DIAPH1: variants seen among roughly 807,000 people sequenced by gnomAD.
The protein encoded by DIAPH1 is protein diaphanous homolog 1.
Under a neutral mutation model 140.7 loss-of-function variants are expected in DIAPH1, and 46 were observed. That is an observed-to-expected ratio of 0.33 (90% CI 0.26 to 0.42). The LOEUF (loss-of-function observed/expected upper bound fraction) is 0.42. DIAPH1 is among the 10% of genes least tolerant of loss of function. The pLI is 1.00. For synonymous variants in DIAPH1, 565 were observed against 551.6 expected (o/e 1.02, Z -0.34); for missense variants, 1,310 against 1,558.7 (o/e 0.84, Z 2.69).
At chr5:141,571,282 GAAACAA>G (rs1044241209) in intron 18 of DIAPH1, 140 bp downstream of exon 18, 20 of 675,396 alleles carry the variant, frequency 3.0e-5, no homozygotes, top group Middle Eastern at 3.7e-4. Flanking sequence ...TCCAGGGGAG[GAAACAA>G]AAACAAAAAA....
At position 141,576,672 on chromosome 5, in the gene DIAPH1, T is replaced by G. The variant is rs2099896008; in HGVS notation, c.1396+84A>C. On this transcript the variant is annotated intron_variant, in intron 13 of 27. Coordinates refer to ENST00000389054, the MANE Select transcript of DIAPH1 (RefSeq NM_005219.5). ...ACTATCTGGGGACTGGAAAGGTATC[T>G]TCTCTGACATTTTCACTGAAACAAG... The G allele has an allele frequency of 3.0e-6, 3 of 985,350 alleles. No homozygotes were observed. The Admixed American group carries it at 5.3e-5, about 17-fold the overall frequency. 61.0% of individuals were successfully genotyped at this position (985,350 alleles called of 1,614,324 possible). A position where few individuals can be genotyped will look rare whatever the true frequency, so the allele number is the denominator to read the frequency against.
At chr5:141,598,644 T>C (rs1253028889) in intron 1 of DIAPH1, among the ~76,000 whole-genome samples, 1 of 152,140 alleles carries the variant, frequency 6.6e-6, no homozygotes, top group Non-Finnish European at 1.5e-5. Context: ...ATCTTTTGGT[T>C]ACCATCTACA....
chr5:141,517,730 A>C (rs1476851916), intron 27 of DIAPH1, among the ~76,000 whole-genome samples: 1 of 152,180 alleles, frequency 6.6e-6, no homozygotes, highest in Admixed American at 6.5e-5. Context: ...TGGGATAAAG[A>C]TGGACAGGAG....
intron 5 of DIAPH1, 46 bp downstream of exon 5, chr5:141,583,439 G>A: frequency 6.2e-7 from 1 of 1,614,160 alleles, no homozygotes; most frequent in Non-Finnish European, 8.5e-7. Context: ...CACCAGTGAA[G>A]TCCAACATTT....
chr5:141,609,018 A>G (rs147588192), intron 1 of DIAPH1, among the ~76,000 whole-genome samples: 8 of 152,210 alleles, frequency 5.3e-5, no homozygotes, highest in African/African-American at 1.7e-4. Flanking sequence ...ACACAGTTAC[A>G]TTAAAAAATA....
At chr5:141,608,211 G>T (rs1366187873) in intron 1 of DIAPH1, among the ~76,000 whole-genome samples, 1 of 152,234 alleles carries the variant, frequency 6.6e-6, no homozygotes, top group African/African-American at 2.4e-5. Flanking sequence ...GGCTGAGGTG[G>T]GAGGACTGCT....
chr5:141,534,552 G>T, intron 18 of DIAPH1, 119 bp from the exon 19 acceptor site: 1 of 780,238 alleles, frequency 1.3e-6, no homozygotes, highest in Non-Finnish European at 2.2e-6. Context: ...ATGGTCTATT[G>T]TATTCCTTCA....
intron 19 of DIAPH1, among the ~76,000 whole-genome samples, chr5:141,530,146 G>A (rs920018670): frequency 2.6e-5 from 4 of 152,278 alleles, no homozygotes; most frequent in African/African-American, 7.2e-5. Context: ...CTCTCAGGAC[G>A]TGATCCTCAA....
chr5:141,562,000 T>C (rs2099893616), intron 18 of DIAPH1: 2 of 152,172 alleles, frequency 1.3e-5, no homozygotes, highest in Non-Finnish European at 2.9e-5. Context: ...CACACTCGAG[T>C]GAAGTCTGGA....
chr5:141,573,905 C>G lies in DIAPH1; in HGVS notation c.1945G>C (p.Ala649Pro). ...AAAGGAGGGGGTGGAGGGATGGTAG[C>G]ATCCCCAGACAAAGGAGGGGGTGGA... The part of the protein sequence containing the change: ...ISPPPPLSGD[A>P]TIPPPPPLPE... The change falls in exon 16 of 28, where the codon GCT becomes CCT. Residue 649 changes from alanine (A) to proline (P), a missense_variant. Coordinates refer to ENST00000389054, the MANE Select transcript of DIAPH1 (RefSeq NM_005219.5). 1.3e-6 allele frequency: 2 copies of G among 1,548,048 alleles called. No individual in the cohort carries two copies. The highest frequency in any genetic ancestry group is 1.7e-6 in the Non-Finnish European group (2 of 1,146,336).
intron 21 of DIAPH1, 99 bp from the exon 22 acceptor site, chr5:141,529,040 G>A: frequency 6.3e-7 from 1 of 1,586,340 alleles, no homozygotes; most frequent in Non-Finnish European, 8.7e-7. Context: ...CAGCTCCAGA[G>A]CAGGGAGAAG....
chr5:141,525,701 A>G (rs2099887233), intron 26 of DIAPH1, among the ~76,000 whole-genome samples: 1 of 152,160 alleles, frequency 6.6e-6, no homozygotes, highest in Non-Finnish European at 1.5e-5. Flanking sequence ...AAAAAACCCG[A>G]AAGATTTAGT....
intron 27 of DIAPH1, chr5:141,518,860 G>A (rs2154594831): frequency 7.5e-7 from 1 of 1,341,710 alleles, no homozygotes. Flanking sequence ...TCCCTGCAGA[G>A]CCATGACCCA....
At chr5:141,540,376 G>A (rs1325975217) in intron 18 of DIAPH1, among the ~76,000 whole-genome samples, 2 of 151,824 alleles carry the variant, frequency 1.3e-5, no homozygotes, top group African/African-American at 2.4e-5. Flanking sequence ...TACGCCTCCC[G>A]GGTTCAAGCG....
chr5:141,616,604 CCA>C (rs1210017725), intron 1 of DIAPH1, among the ~76,000 whole-genome samples: 8 of 152,164 alleles, frequency 5.3e-5, no homozygotes, highest in African/African-American at 1.7e-4. Flanking sequence ...TCTCTCATTT[CCA>C]CAGAGTTCTC....
chr5:141,599,538 C>T (rs1218455855), intron 1 of DIAPH1, among the ~76,000 whole-genome samples: 1 of 152,190 alleles, frequency 6.6e-6, no homozygotes, highest in East Asian at 1.9e-4. Context: ...GCAACCTCCA[C>T]CTCCTGGGTT....
Position 141,565,703 on chromosome 5 carries a change from T to C in DIAPH1, c.2482+5725A>G, listed in dbSNP as rs1357605202. On this transcript the variant is annotated intron_variant, in intron 18 of 27. Transcript: ENST00000389054. The surrounding 1 kb of genome is among the most constrained non-coding windows in gnomAD (Gnocchi z 4.3). ...GGAAAAAAAGGTGTGAAATAACCTTTAGGAGAGCAGGAAATTCAATGAATT... is the reference window on the plus strand; with the variant it reads ...GGAAAAAAAGGTGTGAAATAACCTTCAGGAGAGCAGGAAATTCAATGAATT... Among the ~76,000 whole-genome samples the C allele has an allele frequency of 6.6e-6, 1 of 152,164 alleles. No individual in the cohort carries two copies. The highest frequency in any genetic ancestry group is 1.5e-5 in the Non-Finnish European group (1 of 68,038).
At chr5:141,592,459 T>G (rs535032326) in intron 1 of DIAPH1, among the ~76,000 whole-genome samples, 1 of 151,260 alleles carries the variant, frequency 6.6e-6, no homozygotes, top group Non-Finnish European at 1.5e-5. Flanking sequence ...CTCTGAAATA[T>G]AGAATAAGTT....
At chr5:141,543,638 A>G (rs980898222) in intron 18 of DIAPH1, among the ~76,000 whole-genome samples, 3 of 152,242 alleles carry the variant, frequency 2.0e-5, no homozygotes, top group African/African-American at 4.8e-5. Flanking sequence ...GTAAGCTAAT[A>G]TAAGTGTCCC....
Sources: allele counts gnomAD v4.1 joint callset (sites outside exome capture counted in the v4.1 genomes callset), GRCh38; gene constraint gnomAD v4.1.1; non-coding constraint Gnocchi (gnomAD v3.1); transcripts MANE v1.5; gene names NCBI Gene and HGNC (gene_info 2026-07-23, HGNC 2026-07-21).